The following PRKACB variants were observed in gnomAD, a reference collection of about 807,000 sequenced individuals.
PRKACB encodes the protein cAMP-dependent protein kinase catalytic subunit beta.
PRKACB carries 16 observed loss-of-function variants against 51.4 expected under a neutral mutation model. The ratio of observed to expected loss-of-function variants is 0.31; its 90% CI spans 0.21 to 0.47. The LOEUF is 0.47. Ranked by LOEUF, PRKACB falls within the 20% of genes least tolerant of loss-of-function variation. The pLI, the probability that PRKACB is intolerant of heterozygous loss-of-function variation, is 1.00. For synonymous variants in PRKACB, 147 were observed against 154.4 expected (o/e 0.95, Z 0.35); for missense variants, 309 against 464.5 (o/e 0.67, Z 3.08).
chr1:84,085,062 G>T (rs1647854687), intron 1 of PRKACB, among the ~76,000 whole-genome samples: 1 of 152,108 alleles, frequency 6.6e-6, no homozygotes, highest in Admixed American at 6.5e-5. Context: ...TAGCCTTTTT[G>T]TTTTGAAAAG....
intron 9 of PRKACB, among the ~76,000 whole-genome samples, chr1:84,231,344 T>C (rs1277683117): frequency 6.6e-6 from 1 of 152,212 alleles, no homozygotes; most frequent in Non-Finnish European, 1.5e-5. Context: ...TGAGGATTTT[T>C]GCATCAATGT....
intron 1 of PRKACB, among the ~76,000 whole-genome samples, chr1:84,172,932 C>G (rs889434079): frequency 1.3e-5 from 2 of 151,596 alleles, no homozygotes; most frequent in African/African-American, 4.8e-5. Flanking sequence ...TAGTCCAATC[C>G]AATAAACTGT....
At chr1:84,223,966 T>C (rs1295042056) in intron 9 of PRKACB, among the ~76,000 whole-genome samples, 1 of 152,236 alleles carries the variant, frequency 6.6e-6, no homozygotes, top group East Asian at 1.9e-4. Flanking sequence ...GTTTTTAGGA[T>C]TGGCTTTTGT....
intron 9 of PRKACB, among the ~76,000 whole-genome samples, chr1:84,217,129 A>C (rs1053792995): frequency 2.6e-5 from 4 of 152,176 alleles, no homozygotes; most frequent in Admixed American, 2.6e-4. Flanking sequence ...CACCCTTAAA[A>C]TTTGAATTTG....
At chr1:84,168,009 G>A (rs944741521) in intron 1 of PRKACB, among the ~76,000 whole-genome samples, 1 of 151,440 alleles carries the variant, frequency 6.6e-6, no homozygotes, top group African/African-American at 2.4e-5. Flanking sequence ...AAGCAAACAA[G>A]GTCTATAAAG....
upstream of PRKACB, among the ~76,000 whole-genome samples, chr1:84,141,502 A>G (rs975411683): frequency 6.6e-6 from 1 of 152,034 alleles, no homozygotes; most frequent in Admixed American, 6.5e-5. Context: ...TAAATATTCT[A>G]TTTTCTGGAA....
At chr1:84,137,514 A>G (rs1652947965) in intron 1 of PRKACB, among the ~76,000 whole-genome samples, 1 of 152,198 alleles carries the variant, frequency 6.6e-6, no homozygotes, top group Non-Finnish European at 1.5e-5. Flanking sequence ...CTTTAAAAAA[A>G]CTCATTTAGA....
chr1:84,089,888 A>G (rs986087237), intron 1 of PRKACB, among the ~76,000 whole-genome samples: 1 of 152,100 alleles, frequency 6.6e-6, no homozygotes, highest in African/African-American at 2.4e-5. Flanking sequence ...CAGTCCTCTC[A>G]CTTTCATTTT....
At chr1:84,175,676 G>A (rs527622820) in intron 1 of PRKACB, 1 of 735,170 alleles carries the variant, frequency 1.4e-6, no homozygotes, top group Admixed American at 3.5e-5. Flanking sequence ...ATTTGAGGGG[G>A]GATAAGAAGT....
At chr1:84,175,953 T>C in intron 1 of PRKACB, 1 of 607,422 alleles carries the variant, frequency 1.6e-6, no homozygotes, top group Non-Finnish European at 2.6e-6. Context: ...TGTTCAATTA[T>C]TTACCAGTAG....
chr1:84,194,360 A>T (rs1315219707), intron 5 of PRKACB, among the ~76,000 whole-genome samples: 1 of 152,210 alleles, frequency 6.6e-6, no homozygotes, highest in African/African-American at 2.4e-5. Context: ...CACTTGCCTT[A>T]TCTCATCTTT....
intron 1 of PRKACB, among the ~76,000 whole-genome samples, chr1:84,149,614 T>C (rs1199481845): frequency 1.3e-5 from 2 of 152,304 alleles, no homozygotes; most frequent in East Asian, 3.9e-4. Flanking sequence ...CATTTTTCTT[T>C]ATAAAGAGTT....
chr1:84,160,821 C>T (rs1656088542), intron 1 of PRKACB, among the ~76,000 whole-genome samples: 2 of 151,256 alleles, frequency 1.3e-5, no homozygotes, highest in South Asian at 4.1e-4. Flanking sequence ...TAACTTAATT[C>T]TGCTGTGATT....
intron 9 of PRKACB, among the ~76,000 whole-genome samples, chr1:84,230,247 A>C (rs1177977224): frequency 6.7e-6 from 1 of 149,810 alleles, no homozygotes; most frequent in Non-Finnish European, 1.5e-5. Context: ...AGTTGTAGAT[A>C]TGTGGCATTA....
chr1:84,137,582 C>A (rs1040434650), intron 1 of PRKACB, among the ~76,000 whole-genome samples: 1 of 152,108 alleles, frequency 6.6e-6, no homozygotes, highest in Non-Finnish European at 1.5e-5. Flanking sequence ...AACTGTAGTA[C>A]AAATGTATGA....
At chr1:84,164,435 A>G (rs1446855865) in intron 1 of PRKACB, 1 of 1,567,046 alleles carries the variant, frequency 6.4e-7, no homozygotes, top group South Asian at 1.2e-5. Context: ...GAGTATTTGA[A>G]GAAAACAGCA....
chr1:84,145,535 C>A (rs1020748363), intron 1 of PRKACB, among the ~76,000 whole-genome samples: 1 of 152,046 alleles, frequency 6.6e-6, no homozygotes, highest in African/African-American at 2.4e-5. Flanking sequence ...AGCACCTTGA[C>A]AGTGTTATAG....
intron 1 of PRKACB, chr1:84,164,895 C>A: frequency 6.8e-7 from 1 of 1,472,856 alleles, no homozygotes; most frequent in Non-Finnish European, 9.0e-7. Context: ...GCTGCATGCT[C>A]CAGTGTGTGT....
intron 8 of PRKACB, among the ~76,000 whole-genome samples, chr1:84,207,977 C>T (rs1671584183): frequency 6.6e-6 from 1 of 152,204 alleles, no homozygotes; most frequent in Non-Finnish European, 1.5e-5. Flanking sequence ...AAGTGATTCT[C>T]CTGCCTCAGC....
Sources: allele counts gnomAD v4.1 joint callset (sites outside exome capture counted in the v4.1 genomes callset), GRCh38; gene constraint gnomAD v4.1.1; transcripts MANE v1.5; gene names NCBI Gene and HGNC (gene_info 2026-07-23, HGNC 2026-07-21).